The following SUMF2 variants were observed in gnomAD, a reference collection of about 807,000 sequenced individuals.
The protein encoded by SUMF2 is sulfatase modifying factor 2, also known as inactive C-alpha-formylglycine-generating enzyme 2.
A neutral mutation model predicts 44.8 loss-of-function variants in SUMF2; 45 were observed. That is an observed-to-expected ratio of 1.00 (90% CI 0.79 to 1.29). The LOEUF (loss-of-function observed/expected upper bound fraction) is 1.29, where lower values mean the gene tolerates loss of function less well. Ranked by LOEUF, SUMF2 falls within the 50% of genes most tolerant of loss-of-function variation. The pLI, the probability that SUMF2 is intolerant of heterozygous loss-of-function variation, is 0.00. For missense variants in SUMF2, 418 were observed against 389.9 expected (o/e 1.07, Z -0.61); for synonymous variants, 148 against 150.4 (o/e 0.98, Z 0.12).
chr7:56,074,371 C>T, intron 4 of SUMF2, 153 bp downstream of exon 4: 1 of 1,015,356 alleles, frequency 9.8e-7, no homozygotes, highest in Non-Finnish European at 1.5e-6. Context: ...GCCTGTTTCA[C>T]CTGCCCGAAT....
At chr7:56,087,679 G>C in the SUMF2 span, 1 of 1,613,994 alleles carries the variant, frequency 6.2e-7, no homozygotes, top group Non-Finnish European at 8.5e-7. Flanking sequence ...ACCTCCTCCG[G>C]GCTGAAGCTG....
downstream of SUMF2, chr7:56,083,120 A>AT: frequency 6.2e-6 from 4 of 642,434 alleles, no homozygotes; most frequent in Non-Finnish European, 7.8e-6. Context: ...AAAAAAAAAA[A>AT]GAAAGAAAAA....
In SUMF2 at chr7:56,072,998, GA is replaced by G; in HGVS notation, c.227del (p.Asp76ValfsTer29). ...IFPVTNKDFR[D>X]FVREKKYRTE... ...ACCAGCTGAACTATGTCTTTATAGG[GA>G]TTTTGTCAGGGAGAAAAAGTATCGG... On this transcript the variant is annotated frameshift_variant and splice_region_variant, in exon 3 of 9. Coordinates refer to ENST00000434526, the MANE Select transcript of SUMF2 (RefSeq NM_015411.4). LOFTEE classifies it high-confidence loss of function. The G allele has an allele frequency of 6.2e-7, 1 of 1,613,400 alleles. No individual in the cohort carries two copies. The highest frequency in any genetic ancestry group is 8.5e-7 in the Non-Finnish European group (1 of 1,179,380).
downstream of SUMF2, chr7:56,081,857 C>T: frequency 1.9e-6 from 3 of 1,611,850 alleles, no homozygotes; most frequent in Non-Finnish European, 2.5e-6. The surrounding 1 kb of genome is among the most constrained non-coding windows in gnomAD (Gnocchi z 4.6). Flanking sequence ...GGCATCGCAG[C>T]CCTGAGCCCA....
chr7:56,074,576 T>G lies in SUMF2; in HGVS notation c.385-10T>G. The G allele has an allele frequency of 6.2e-7, 1 of 1,613,840 alleles. No homozygotes were observed. The highest frequency in any genetic ancestry group is 2.2e-5 in the East Asian group (1 of 44,866). On this transcript the variant is annotated splice_polypyrimidine_tract_variant and intron_variant, in intron 4 of 8. Transcript: ENST00000434526. Reference sequence around the variant, plus strand: ...CCCGGAAGCCTGTCTCACTTAATCCTGGCTGTCAGCCTGCAGGTCCTGGCT... The same window carrying G: ...CCCGGAAGCCTGTCTCACTTAATCCGGGCTGTCAGCCTGCAGGTCCTGGCT...
the SUMF2 span, chr7:56,087,722 G>T: frequency 6.2e-7 from 1 of 1,613,756 alleles, no homozygotes; most frequent in Non-Finnish European, 8.5e-7. Flanking sequence ...CCTTCACGGC[G>T]TACTCCTGGC....
chr7:56,081,588 G>A, downstream of SUMF2: 1 of 1,607,452 alleles, frequency 6.2e-7, no homozygotes, highest in Non-Finnish European at 8.5e-7. This position sits in a 1 kb window ranked among gnomAD's most constrained non-coding sequence, Gnocchi z 4.6. Flanking sequence ...TTAGAGGTTT[G>A]CACTTAGGGA....
intron 5 of SUMF2, among the ~76,000 whole-genome samples, chr7:56,075,850 A>G (rs1006773421): frequency 6.6e-6 from 1 of 152,072 alleles, no homozygotes; most frequent in East Asian, 1.9e-4. Context: ...TACATCAGTG[A>G]TCAAAGTTTT....
chr7:56,080,944 G>T (rs1163244925), downstream of SUMF2: 10 of 1,328,484 alleles, frequency 7.5e-6, no homozygotes, highest in South Asian at 1.3e-4. Flanking sequence ...TCCTGGCCAG[G>T]GCCAAGTGCT....
chr7:56,068,927 G>A (rs772589869), intron 2 of SUMF2, among the ~76,000 whole-genome samples: 1 of 151,234 alleles, frequency 6.6e-6, no homozygotes, highest in Non-Finnish European at 1.5e-5. Flanking sequence ...TGGCCAGGCT[G>A]GGCTCGAACT....
chr7:56,081,171 G>A (rs745813291), downstream of SUMF2: 6 of 1,613,816 alleles, frequency 3.7e-6, no homozygotes, highest in Admixed American at 1.7e-5. The surrounding 1 kb of genome is among the most constrained non-coding windows in gnomAD (Gnocchi z 4.6). Context: ...GGAAAGCGTA[G>A]GCGTCGATGA....
chr7:56,083,258 C>T (rs1186045230), downstream of SUMF2: 1 of 1,612,436 alleles, frequency 6.2e-7, no homozygotes, highest in Admixed American at 1.7e-5. Flanking sequence ...TGGACGTGGG[C>T]CAAGGCCATG....
At chr7:56,068,696 C>A in intron 2 of SUMF2, 58 bp downstream of exon 2, 4 of 1,480,950 alleles carry the variant, frequency 2.7e-6, no homozygotes, top group Non-Finnish European at 3.6e-6. Flanking sequence ...ATTCTTTTTT[C>A]TTTCTTTTTT....
At chr7:56,072,648 G>A (rs185778801) in intron 2 of SUMF2, among the ~76,000 whole-genome samples, 56 of 151,664 alleles carry the variant, frequency 3.7e-4, no homozygotes, top group Admixed American at 2.3e-3. Context: ...GCGTGAAACC[G>A]GGAGGCGGAG....
At chr7:56,064,825 G>T (rs1013127021) in intron 1 of SUMF2, among the ~76,000 whole-genome samples, 7 of 141,690 alleles carry the variant, frequency 4.9e-5, no homozygotes, top group African/African-American at 1.6e-4. Context: ...GGAGGTTGCA[G>T]TGAGCCGAGA....
chr7:56,079,443 C>A, intron 8 of SUMF2, 85 bp from the exon 9 acceptor site: 1 of 1,365,400 alleles, frequency 7.3e-7, no homozygotes, highest in Non-Finnish European at 1.0e-6. Flanking sequence ...CATGGCCGGC[C>A]CTGCGGATGA....
At chr7:56,081,148 T>C, downstream of SUMF2, 1 of 1,613,754 alleles carries the variant, frequency 6.2e-7, no homozygotes, top group Non-Finnish European at 8.5e-7. This position sits in a 1 kb window ranked among gnomAD's most constrained non-coding sequence, Gnocchi z 4.6. Flanking sequence ...CTTCACCCAG[T>C]GGCCATAGAT....
downstream of SUMF2, chr7:56,081,269 G>T (rs751540733): frequency 1.9e-6 from 3 of 1,612,044 alleles, no homozygotes; most frequent in East Asian, 4.5e-5. The surrounding 1 kb of genome is among the most constrained non-coding windows in gnomAD (Gnocchi z 4.6). Context: ...TAGTAGATCC[G>T]CACTGAAGCC....
intron 2 of SUMF2, among the ~76,000 whole-genome samples, chr7:56,070,321 G>A (rs1274748594): frequency 1.3e-5 from 2 of 152,024 alleles, no homozygotes. Context: ...GATGGTTGTT[G>A]TGAGATGAGA....
Sources: allele counts gnomAD v4.1 joint callset (sites outside exome capture counted in the v4.1 genomes callset), GRCh38; gene constraint gnomAD v4.1.1; non-coding constraint Gnocchi (gnomAD v3.1); transcripts MANE v1.5; gene names NCBI Gene and HGNC (gene_info 2026-07-23, HGNC 2026-07-21).